Variants in CFAP54 observed in about 807,000 individuals in gnomAD.
CFAP54 encodes cilia- and flagella-associated protein 54.
In CFAP54, 290 loss-of-function variants were observed where a neutral mutation model predicts 370.4. The observed-to-expected ratio is 0.78, with a 90% confidence interval of 0.71 to 0.86. The LOEUF is 0.86. Among genes scored for constraint, CFAP54 ranks in the 40% least tolerant of loss-of-function variants. CFAP54 has a pLI of 0.00. For missense variants in CFAP54, 3,399 were observed against 3,528.7 expected (o/e 0.96, Z 0.93); for synonymous variants, 1,206 against 1,236.5 (o/e 0.98, Z 0.52).
intron 23 of CFAP54, among the ~76,000 whole-genome samples, chr12:96,589,838 C>G (rs1956108563): frequency 6.6e-6 from 1 of 152,106 alleles, no homozygotes; most frequent in Non-Finnish European, 1.5e-5. Flanking sequence ...CCTCTGCCTC[C>G]TGGGCTGAGG....
chr12:96,518,295 G>T (rs1191688210), intron 5 of CFAP54, among the ~76,000 whole-genome samples: 1 of 152,120 alleles, frequency 6.6e-6, no homozygotes, highest in Non-Finnish European at 1.5e-5. Context: ...TCATATACTG[G>T]TTCCAGGCCA....
At chr12:96,537,005 A>G (rs1300455995) in intron 12 of CFAP54, among the ~76,000 whole-genome samples, 5 of 151,936 alleles carry the variant, frequency 3.3e-5, no homozygotes, top group Non-Finnish European at 7.4e-5. Context: ...ATTCAATTCA[A>G]TTCAATTCAA....
chr12:96,498,834 GA>G (rs1954988892), intron 1 of CFAP54, among the ~76,000 whole-genome samples: 1 of 152,160 alleles, frequency 6.6e-6, no homozygotes, highest in Admixed American at 6.5e-5. Flanking sequence ...TCAAGGGAAT[GA>G]AAGGATAAGC....
At chr12:96,691,372 AC>A in intron 44 of CFAP54, 62 bp downstream of exon 44, 1 of 1,250,820 alleles carries the variant, frequency 8.0e-7, no homozygotes, top group Non-Finnish European at 1.1e-6. Flanking sequence ...CTTACCTCAT[AC>A]TTTTAAAATT....
rs964132214 is a variant in CFAP54 at position 96,489,627 on chromosome 12, C to T, written c.18C>T (p.Ser6=). MAAQG[S]PSSSPSDDST... ...GCGTCAATATGGCGGCGCAGGGCTC[C>T]CCCTCGAGCTCTCCGTCAGACGACT... The change falls in exon 1 of 68, where the codon TCC becomes TCT. Residue 6 remains serine, a synonymous_variant. Transcript: ENST00000524981. 155 of 1,523,516 alleles carry T rather than the reference C, an allele frequency of 1.0e-4. No homozygotes were observed. The highest frequency in any genetic ancestry group is 1.7e-4 in the Middle Eastern group (1 of 5,898). 94.4% of individuals were successfully genotyped at this position (1,523,516 alleles called of 1,614,324 possible).
intron 4 of CFAP54, among the ~76,000 whole-genome samples, chr12:96,510,832 G>C (rs891406366): frequency 1.3e-5 from 2 of 151,864 alleles, no homozygotes; most frequent in Non-Finnish European, 2.9e-5. Flanking sequence ...GCGTGGTGGC[G>C]AGCGCCTGTA....
chr12:96,776,416 A>G (rs1351827844), intron 60 of CFAP54, among the ~76,000 whole-genome samples: 1 of 152,192 alleles, frequency 6.6e-6, no homozygotes, highest in Non-Finnish European at 1.5e-5. Flanking sequence ...TAAAAAGAAT[A>G]GTAATAAACT....
intron 65 of CFAP54, among the ~76,000 whole-genome samples, chr12:96,828,278 G>A (rs1255750190): frequency 2.0e-5 from 3 of 151,176 alleles, no homozygotes; most frequent in Non-Finnish European, 2.9e-5. Context: ...AGTTGAGTAT[G>A]GTCATGCATA....
At chr12:96,685,335 G>T in intron 42 of CFAP54, 97 bp downstream of exon 42, 1 of 1,021,464 alleles carries the variant, frequency 9.8e-7, no homozygotes, top group Non-Finnish European at 1.5e-6. Context: ...ATGCACACTG[G>T]ATTTCTGGGA....
intron 22 of CFAP54, among the ~76,000 whole-genome samples, chr12:96,585,899 C>T (rs899337758): frequency 1.1e-4 from 16 of 152,120 alleles, no homozygotes; most frequent in Admixed American, 5.9e-4. Context: ...CTCAAATTTT[C>T]CTGCTGTATG....
chr12:96,564,044 A>C (rs547975637), intron 17 of CFAP54, among the ~76,000 whole-genome samples: 1 of 152,160 alleles, frequency 6.6e-6, no homozygotes, highest in Non-Finnish European at 1.5e-5. Context: ...TTCGTGTGTT[A>C]CCCAGAGCTC....
At chr12:96,495,420 A>G (rs1189202653) in intron 1 of CFAP54, among the ~76,000 whole-genome samples, 5 of 151,400 alleles carry the variant, frequency 3.3e-5, no homozygotes, top group East Asian at 1.9e-4. Context: ...CAATCAGACA[A>G]TTCACGTGCC....
chr12:96,595,428 C>T (rs1956167988), intron 25 of CFAP54, among the ~76,000 whole-genome samples: 1 of 152,142 alleles, frequency 6.6e-6, no homozygotes. Context: ...TAAGATTTTG[C>T]TGCTGAGACT....
chr12:96,695,031 A>G (rs1025555174), intron 45 of CFAP54, among the ~76,000 whole-genome samples: 2 of 152,206 alleles, frequency 1.3e-5, no homozygotes, highest in African/African-American at 4.8e-5. Context: ...AAAAAAAACA[A>G]AAACAAAAAA....
rs563948525 is a variant in CFAP54, at chr12:96,676,588, C to G, written c.5564-3012C>G. 6.6e-5 allele frequency among the ~76,000 whole-genome samples: 10 copies of G among 152,250 alleles called. No individual in the cohort carries two copies. In the South Asian group the frequency reaches 8.3e-4, roughly 13 times the overall value. On this transcript the variant is annotated intron_variant, in intron 39 of 67. Transcript: ENST00000524981. ...TGAGATGGAGTTTCATTCCGTCGCT[C>G]AGGCTGGAGTGCAGCGGCACAATCT...
chr12:96,684,777 T>A (rs774667688), intron 41 of CFAP54, 42 bp downstream of exon 41: 1 of 1,481,878 alleles, frequency 6.7e-7, no homozygotes, highest in African/African-American at 1.4e-5. Context: ...AAAGGTTTTT[T>A]ATTTGCTTGT....
intron 15 of CFAP54, among the ~76,000 whole-genome samples, chr12:96,553,587 G>A (rs1367984044): frequency 6.8e-6 from 1 of 146,714 alleles, no homozygotes; most frequent in East Asian, 2.0e-4. Flanking sequence ...TATATAACAT[G>A]CATATATCTG....
chr12:96,725,855 T>C (rs1280781332), intron 50 of CFAP54, among the ~76,000 whole-genome samples: 2 of 151,818 alleles, frequency 1.3e-5, no homozygotes, highest in East Asian at 3.9e-4. Flanking sequence ...GTCCCATCAA[T>C]ACCTAATTTA....
At chr12:96,733,638 G>C (rs1386910376) in intron 50 of CFAP54, among the ~76,000 whole-genome samples, 4 of 143,734 alleles carry the variant, frequency 2.8e-5, no homozygotes, top group Non-Finnish European at 6.0e-5. Flanking sequence ...TTAATTTTGT[G>C]TCAGACTGAA....
Sources: allele counts gnomAD v4.1 joint callset (sites outside exome capture counted in the v4.1 genomes callset), GRCh38; gene constraint gnomAD v4.1.1; transcripts MANE v1.5; gene names NCBI Gene and HGNC (gene_info 2026-07-23, HGNC 2026-07-21).